The following STK32B variants were observed in gnomAD, a reference collection of about 807,000 sequenced individuals.
The protein encoded by STK32B is serine/threonine kinase 32B.
In STK32B, 43 loss-of-function variants were observed where a neutral mutation model predicts 52.6. The ratio of observed to expected loss-of-function variants is 0.82; its 90% CI spans 0.64 to 1.05. The LOEUF (loss-of-function observed/expected upper bound fraction) is 1.05, where lower values mean the gene tolerates loss of function less well. Among genes scored for constraint, STK32B ranks in the 50% least tolerant of loss-of-function variants. The pLI is 0.00. For missense variants in STK32B, 621 were observed against 534.6 expected (o/e 1.16, Z -1.59); for synonymous variants, 238 against 204.3 (o/e 1.17, Z -1.41).
At position 5,215,933 on chromosome 4, in the gene STK32B, G is replaced by T. The variant is rs192872245; in HGVS notation, c.260+47483G>T. 1.5e-3 allele frequency among the ~76,000 whole-genome samples: 235 copies of T among 152,238 alleles called. 2 individuals are homozygous for T. The highest frequency in any genetic ancestry group is 4.6e-4 in the Non-Finnish European group (31 of 67,998). ...CTGCTCACTTTACTCAGTCTGTTTT[G>T]TTATAGAACTTTTTTAATTGTGAGA... On this transcript the variant is annotated intron_variant, in intron 3 of 11. Coordinates refer to ENST00000282908, the MANE Select transcript of STK32B (RefSeq NM_018401.3).
chr4:5,029,808 A>G, the STK32B span, among the ~76,000 whole-genome samples: 1 of 152,188 alleles, frequency 6.6e-6, no homozygotes, highest in East Asian at 1.9e-4. Context: ...ATATGGTTAA[A>G]TTTTGTGTTC....
rs1459035555 is a variant in STK32B at position 5,460,728 on chromosome 4, T to C, written c.909+500T>C. ...GACTGCAGGGATGGGCACTGAGCCT[T>C]CCAGGCAAAGGGATCGACAAGATCA... is the stretch of plus-strand genomic sequence containing the variant. On this transcript the variant is annotated intron_variant, in intron 9 of 11. Coordinates refer to ENST00000282908, the MANE Select transcript of STK32B (RefSeq NM_018401.3). This position sits in a 1 kb window ranked among gnomAD's most constrained non-coding sequence, Gnocchi z 4.8. Among the ~76,000 whole-genome samples the C allele has an allele frequency of 1.3e-5, 2 of 152,106 alleles. No individual in the cohort carries two copies. Among genetic ancestry groups the C allele is most frequent in the African/African-American group, 4.8e-5 (2 of 41,426 alleles).
rs36034828 is a variant in STK32B at position 5,093,713 on chromosome 4, G to GAAA, written c.52+41804_52+41806dup. ...TGTACCCTAAAACTTAAAGTATAAT[G>GAAA]AAAAAAAATGCCATGTGATGCTAAT... On this transcript the variant is annotated intron_variant, in intron 1 of 11. Transcript: ENST00000282908. 1.4e-4 allele frequency among the ~76,000 whole-genome samples: 22 copies of GAAA among 151,988 alleles called. No individual in the cohort carries two copies. The South Asian group carries it at 3.5e-3, about 24-fold the overall frequency.
chr4:5,042,374 ACTT>A, the STK32B span, among the ~76,000 whole-genome samples: 1 of 152,212 alleles, frequency 6.6e-6, no homozygotes, highest in Admixed American at 6.5e-5. Flanking sequence ...ACTTTATAAA[ACTT>A]CATCCATCTG....
chr4:5,069,018 C>G (rs1560135259), intron 1 of STK32B, among the ~76,000 whole-genome samples: 1 of 151,968 alleles, frequency 6.6e-6, no homozygotes, highest in Non-Finnish European at 1.5e-5. Flanking sequence ...TTTTGTAGAC[C>G]TTTAGTTTGC....
chr4:5,073,075 A>G (rs1019713397), intron 1 of STK32B, among the ~76,000 whole-genome samples: 1 of 152,062 alleles, frequency 6.6e-6, no homozygotes, highest in African/African-American at 2.4e-5. Context: ...TTTAAATAGC[A>G]TATAGTTGGG....
chr4:5,361,177 G>A (rs1560351930), intron 4 of STK32B, among the ~76,000 whole-genome samples: 1 of 152,156 alleles, frequency 6.6e-6, no homozygotes, highest in Non-Finnish European at 1.5e-5. Context: ...GAATGATATT[G>A]CATTGTATGG....
chr4:5,156,543 G>C (rs1560183418), intron 2 of STK32B, among the ~76,000 whole-genome samples: 1 of 152,178 alleles, frequency 6.6e-6, no homozygotes, highest in Non-Finnish European at 1.5e-5. Context: ...CCACGGTGAA[G>C]TGCTCCACTT....
chr4:5,433,791 A>G lies in STK32B; in HGVS notation c.563-12882A>G, dbSNP rs569342268. On this transcript the variant is annotated intron_variant, in intron 6 of 11. Coordinates refer to ENST00000282908, the MANE Select transcript of STK32B (RefSeq NM_018401.3). ...CAGAGCTCACTGCAGCAGGCTAATAATTATACTTCAGGAGGTGATTGTATG... is the reference window on the plus strand; with the variant it reads ...CAGAGCTCACTGCAGCAGGCTAATAGTTATACTTCAGGAGGTGATTGTATG... Among the ~76,000 whole-genome samples, 3 of 152,310 alleles carry G rather than the reference A, an allele frequency of 2.0e-5. No individual in the cohort carries two copies. The South Asian group carries it at 6.2e-4, about 32-fold the overall frequency.
intron 3 of STK32B, among the ~76,000 whole-genome samples, chr4:5,262,245 T>A (rs1726757405): frequency 6.6e-6 from 1 of 152,038 alleles, no homozygotes; most frequent in African/African-American, 2.4e-5. Context: ...CAGGCATAAT[T>A]TTAGAATGTA....
At chr4:5,493,227 T>A (rs2108728931) in intron 11 of STK32B, among the ~76,000 whole-genome samples, 1 of 152,310 alleles carries the variant, frequency 6.6e-6, no homozygotes, top group Non-Finnish European at 1.5e-5. Flanking sequence ...TTTTTCTTGG[T>A]AAGCTATTGA....
chr4:5,247,746 C>T (rs1294808720), intron 3 of STK32B, among the ~76,000 whole-genome samples: 1 of 152,088 alleles, frequency 6.6e-6, no homozygotes, highest in Non-Finnish European at 1.5e-5. Context: ...TTAGGGAAGC[C>T]TTTTTTTCTT....
intron 3 of STK32B, among the ~76,000 whole-genome samples, chr4:5,180,820 A>G (rs1720293718): frequency 1.3e-5 from 2 of 152,184 alleles, no homozygotes; most frequent in African/African-American, 2.4e-5. Flanking sequence ...ATTAATTTTC[A>G]TAGCAATTTT....
At position 5,070,755 on chromosome 4, in the gene STK32B, A is replaced by T. The variant is rs189850544; in HGVS notation, c.52+18840A>T. On this transcript the variant is annotated intron_variant, in intron 1 of 11. Coordinates refer to ENST00000282908, the MANE Select transcript of STK32B (RefSeq NM_018401.3). Reference sequence around the variant, plus strand: ...AGCATCGCTCTCTTTCTGTGTTTGAAGCAAGTTATTCTGGTTGGAACAGAA... The same window carrying T: ...AGCATCGCTCTCTTTCTGTGTTTGATGCAAGTTATTCTGGTTGGAACAGAA... Among the ~76,000 whole-genome samples, 27 of 152,284 alleles carry T rather than the reference A, an allele frequency of 1.8e-4. No homozygotes were observed. The South Asian group carries it at 4.6e-3, about 26-fold the overall frequency.
chr4:5,458,882 C>T (rs995651227), intron 8 of STK32B: 2 of 152,158 alleles, frequency 1.3e-5, no homozygotes, highest in African/African-American at 2.4e-5. Context: ...TCTCGCATCC[C>T]GTCACCTGGT....
chr4:5,267,724 C>A (rs113787786), intron 3 of STK32B, among the ~76,000 whole-genome samples: 2 of 152,082 alleles, frequency 1.3e-5, no homozygotes, highest in Non-Finnish European at 2.9e-5. Context: ...ACAAATTACC[C>A]GAGAGTGCGG....
intron 11 of STK32B, among the ~76,000 whole-genome samples, chr4:5,485,588 G>A (rs1449525208): frequency 1.3e-5 from 2 of 152,122 alleles, no homozygotes; most frequent in African/African-American, 4.8e-5. Context: ...CTCTCAACTT[G>A]TCAAAGTCAT....
At position 5,058,590 on chromosome 4, in the gene STK32B, C is replaced by A. The variant is rs1052628423; in HGVS notation, c.52+6675C>A. 1.3e-5 allele frequency among the ~76,000 whole-genome samples: 2 copies of A among 152,056 alleles called. No homozygotes were observed. Among genetic ancestry groups the A allele is most frequent in the African/African-American group, 2.4e-5 (1 of 41,400 alleles). Reference sequence around the variant, plus strand: ...TTGTTTTGTTTGTTTGTTTTTGAGACAGGGTCTCTGGCGCCCAGCTGGAGT... The same window carrying A: ...TTGTTTTGTTTGTTTGTTTTTGAGAAAGGGTCTCTGGCGCCCAGCTGGAGT... On this transcript the variant is annotated intron_variant, in intron 1 of 11. Coordinates refer to ENST00000282908, the MANE Select transcript of STK32B (RefSeq NM_018401.3). The surrounding 1 kb of genome is among the most constrained non-coding windows in gnomAD (Gnocchi z 4.8).
intron 3 of STK32B, among the ~76,000 whole-genome samples, chr4:5,193,242 G>A (rs1401604838): frequency 1.3e-5 from 2 of 152,132 alleles, no homozygotes; most frequent in East Asian, 3.9e-4. Flanking sequence ...TGTCACTGCT[G>A]CTCTGCAGGA....
Sources: allele counts gnomAD v4.1 joint callset (sites outside exome capture counted in the v4.1 genomes callset), GRCh38; gene constraint gnomAD v4.1.1; non-coding constraint Gnocchi (gnomAD v3.1); transcripts MANE v1.5; gene names NCBI Gene and HGNC (gene_info 2026-07-23, HGNC 2026-07-21).